RAB10: variants seen among roughly 807,000 people sequenced by gnomAD.
RAB10 encodes RAB10, member RAS oncogene family, also known as ras-related protein Rab-10.
RAB10 carries 5 observed loss-of-function variants against 25.7 expected under a neutral mutation model. The ratio of observed to expected loss-of-function variants is 0.19; its 90% confidence interval spans 0.10 to 0.41. The LOEUF (loss-of-function observed/expected upper bound fraction) is 0.41. Ranked by LOEUF, RAB10 falls within the 10% of genes least tolerant of loss-of-function variation. The pLI, the probability that RAB10 is intolerant of heterozygous loss-of-function variation, is 1.00. For missense variants in RAB10, 103 were observed against 245.8 expected (o/e 0.42, Z 3.89); for synonymous variants, 89 against 86.4 (o/e 1.03, Z -0.16).
chr2:26,132,137 T>C (rs1229710796), intron 5 of RAB10, among the ~76,000 whole-genome samples: 1 of 152,244 alleles, frequency 6.6e-6, no homozygotes, highest in Non-Finnish European at 1.5e-5. Context: ...AGAATATGTG[T>C]TATTCACACC....
chr2:26,108,304 AAT>A (rs1352312743), intron 2 of RAB10, among the ~76,000 whole-genome samples: 1 of 152,204 alleles, frequency 6.6e-6, no homozygotes, highest in Non-Finnish European at 1.5e-5. Context: ...CATACCATAG[AAT>A]GCTACCCAGC....
chr2:26,126,480 C>T lies in RAB10; in HGVS notation c.328-664C>T, dbSNP rs1227248312. Among the ~76,000 whole-genome samples the T allele has an allele frequency of 3.9e-5, 6 of 152,122 alleles. No homozygotes were observed. In the East Asian group the frequency reaches 7.7e-4, roughly 20 times the overall value. On this transcript the variant is annotated intron_variant, in intron 3 of 5. Transcript: ENST00000264710. The stretch of plus-strand genomic sequence containing the variant: ...CACCTGTAGTCCCAGCTACTCACAG[C>T]TACTCAAGAGGCTAAGGCAGGAGAA...
chr2:26,090,425 T>C (rs1349156223), intron 1 of RAB10, among the ~76,000 whole-genome samples: 1 of 152,124 alleles, frequency 6.6e-6, no homozygotes, highest in Non-Finnish European at 1.5e-5. Context: ...GTAAGTTTTA[T>C]GCTTATTGTT....
At chr2:26,090,526 T>C (rs1373450257) in intron 1 of RAB10, among the ~76,000 whole-genome samples, 2 of 151,736 alleles carry the variant, frequency 1.3e-5, no homozygotes, top group Non-Finnish European at 2.9e-5. Flanking sequence ...ATTTTCTATA[T>C]GTCACTTTCT....
At chr2:26,132,769 C>CA (rs1482265002) in intron 5 of RAB10, among the ~76,000 whole-genome samples, 1 of 141,848 alleles carries the variant, frequency 7.0e-6, no homozygotes, top group Non-Finnish European at 1.5e-5. Context: ...ATACCCCCCC[C>CA]CCTTTTTTTT....
intron 1 of RAB10, among the ~76,000 whole-genome samples, chr2:26,087,782 A>C (rs1667017973): frequency 6.6e-6 from 1 of 152,232 alleles, no homozygotes; most frequent in Non-Finnish European, 1.5e-5. Flanking sequence ...TGAGGTTTTA[A>C]TGAGTTAATC....
chr2:26,072,609 C>T (rs1666651662), intron 1 of RAB10, among the ~76,000 whole-genome samples: 1 of 152,108 alleles, frequency 6.6e-6, no homozygotes, highest in Admixed American at 6.6e-5. Context: ...TTAGGATTAT[C>T]TGAATAGGTT....
At chr2:26,060,533 C>T (rs1436571204) in intron 1 of RAB10, among the ~76,000 whole-genome samples, 1 of 152,142 alleles carries the variant, frequency 6.6e-6, no homozygotes, top group Non-Finnish European at 1.5e-5. Context: ...CGTGATCTGC[C>T]CGCCTCGGCC....
At chr2:26,094,498 C>T (rs969071131) in intron 1 of RAB10, among the ~76,000 whole-genome samples, 2 of 152,042 alleles carry the variant, frequency 1.3e-5, no homozygotes, top group Non-Finnish European at 2.9e-5. Flanking sequence ...GTGACCCTGC[C>T]GCCTCAGCCT....
chr2:26,039,939 T>G (rs531988535), intron 1 of RAB10, among the ~76,000 whole-genome samples: 1 of 152,264 alleles, frequency 6.6e-6, no homozygotes, highest in Non-Finnish European at 1.5e-5. Flanking sequence ...TTAGGCGTAT[T>G]TCTACATGGA....
At chr2:26,040,381 G>C (rs531930223) in intron 1 of RAB10, among the ~76,000 whole-genome samples, 1 of 152,020 alleles carries the variant, frequency 6.6e-6, no homozygotes, top group South Asian at 2.1e-4. Context: ...AACATCCTGA[G>C]GACTGGGCGT....
In RAB10 at chr2:26,063,891, G is replaced by A. The variant is rs190921745; in HGVS notation, c.127+29156G>A. Among the ~76,000 whole-genome samples the A allele has an allele frequency of 3.7e-3, 556 of 152,214 alleles. 6 individuals are homozygous for A. The highest frequency in any genetic ancestry group is 0.013 in the African/African-American group (534 of 41,554). The stretch of plus-strand genomic sequence containing the variant: ...CAGCTCGCTGCAACCTCTGCCTCCC[G>A]GGTTCAAATGAGTCTCCTGCTTCAG... On this transcript the variant is annotated intron_variant, in intron 1 of 5. Coordinates refer to ENST00000264710, the MANE Select transcript of RAB10 (RefSeq NM_016131.5).
chr2:26,094,805 C>T (rs1667177496), intron 1 of RAB10, among the ~76,000 whole-genome samples: 1 of 152,138 alleles, frequency 6.6e-6, no homozygotes, highest in Non-Finnish European at 1.5e-5. Context: ...GTGATACCCC[C>T]GCCTCAGCCA....
At position 26,042,800 on chromosome 2, in the gene RAB10, C is replaced by T. The variant is rs117589642; in HGVS notation, c.127+8065C>T. 2.5e-4 allele frequency: 38 copies of T among 151,792 alleles called. No individual in the cohort carries two copies. In the East Asian group the frequency reaches 7.2e-3, roughly 29 times the overall value. 9.4% of individuals were successfully genotyped at this position (151,792 alleles called of 1,614,324 possible). A position where few individuals can be genotyped will look rare whatever the true frequency, so the allele number is the denominator to read the frequency against. The stretch of plus-strand genomic sequence containing the variant: ...TAATTACTATTTAAAAAAAAAAAAC[C>T]TCTGTAGGTATTTCTCCAAAGAAGC... On this transcript the variant is annotated intron_variant, in intron 1 of 5. Transcript: ENST00000264710.
chr2:26,105,651 A>G (rs1667452098), intron 2 of RAB10, among the ~76,000 whole-genome samples: 1 of 152,160 alleles, frequency 6.6e-6, no homozygotes, highest in African/African-American at 2.4e-5. Flanking sequence ...GGAAAAAAAT[A>G]AAAAGAAAAA....
chr2:26,106,502 C>T (rs143290494), intron 2 of RAB10, among the ~76,000 whole-genome samples: 95 of 152,234 alleles, frequency 6.2e-4, no homozygotes, highest in African/African-American at 2.2e-3. Flanking sequence ...GTTATTACTT[C>T]GACATTTCAA....
intron 1 of RAB10, among the ~76,000 whole-genome samples, chr2:26,045,235 C>T (rs1167041411): frequency 1.2e-5 from 1 of 86,088 alleles, no homozygotes; most frequent in African/African-American, 4.2e-5. Context: ...CAATCTCTTT[C>T]AACTTTTTTT....
chr2:26,052,327 A>G (rs1408848028), intron 1 of RAB10, among the ~76,000 whole-genome samples: 1 of 152,096 alleles, frequency 6.6e-6, no homozygotes, highest in African/African-American at 2.4e-5. Flanking sequence ...TTGAGGCTGT[A>G]GAGACCCATG....
intron 3 of RAB10, among the ~76,000 whole-genome samples, chr2:26,114,112 A>C (rs116727585): frequency 2.0e-4 from 30 of 152,350 alleles, no homozygotes; most frequent in African/African-American, 7.0e-4. Flanking sequence ...GATAGCCATT[A>C]TTTGTGAATT....
Sources: allele counts gnomAD v4.1 joint callset (sites outside exome capture counted in the v4.1 genomes callset), GRCh38; gene constraint gnomAD v4.1.1; transcripts MANE v1.5; gene names NCBI Gene and HGNC (gene_info 2026-07-23, HGNC 2026-07-21).